Variants in SMAP1 observed in about 807,000 individuals in gnomAD.
SMAP1 encodes small ArfGAP 1, also known as stromal membrane-associated protein 1.
SMAP1 carries 24 observed loss-of-function variants against 58.5 expected under a neutral mutation model. That is an observed-to-expected ratio of 0.41 (90% CI 0.30 to 0.58). The LOEUF (loss-of-function observed/expected upper bound fraction) is 0.58. SMAP1 is among the 20% of genes least tolerant of loss of function. The pLI, the probability that SMAP1 is intolerant of heterozygous loss-of-function variation, is 0.29. For missense variants in SMAP1, 563 were observed against 566.3 expected, an observed-to-expected ratio of 0.99 and a Z score of 0.06; for synonymous variants, 216 against 196.6, an observed-to-expected ratio of 1.10 and a Z score of -0.82.
chr6:70,767,829 C>T (rs9455221), intron 3 of SMAP1, among the ~76,000 whole-genome samples: 1 of 133,046 alleles, frequency 7.5e-6, no homozygotes, highest in African/African-American at 3.0e-5. Context: ...GTCTTGTGCC[C>T]GTTTTCAAAG....
intron 2 of SMAP1, among the ~76,000 whole-genome samples, chr6:70,749,222 A>G (rs1476790840): frequency 6.6e-6 from 1 of 152,134 alleles, no homozygotes; most frequent in Non-Finnish European, 1.5e-5. Context: ...TAAAACCATC[A>G]GATCTCATGA....
chr6:70,718,414 G>A (rs148189503), intron 1 of SMAP1, among the ~76,000 whole-genome samples: 1 of 152,280 alleles, frequency 6.6e-6, no homozygotes, highest in East Asian at 1.9e-4. Flanking sequence ...AACTAAGTTG[G>A]GGGAATGTGA....
intron 2 of SMAP1, among the ~76,000 whole-genome samples, chr6:70,735,291 A>G (rs1407730053): frequency 6.6e-6 from 1 of 152,146 alleles, no homozygotes; most frequent in African/African-American, 2.4e-5. Flanking sequence ...ATTTCCAGTC[A>G]AGTCCCCCAG....
Position 70,733,479 on chromosome 6 carries a change from TC to T in SMAP1, c.252+970del, listed in dbSNP as rs1415857609. Among the ~76,000 whole-genome samples the T allele has an allele frequency of 3.9e-5, 6 of 152,198 alleles. No homozygotes were observed. The South Asian group carries it at 1.2e-3, about 32-fold the overall frequency. On this transcript the variant is annotated intron_variant, in intron 2 of 10. Coordinates refer to ENST00000370455, the MANE Select transcript of SMAP1 (RefSeq NM_001044305.3). ...AAAGAAGCAGAGCTTTTTAAACACTTCCTGTAAGGCAGTGTTCTTAGTATCT... is the reference window on the plus strand; with the variant it reads ...AAAGAAGCAGAGCTTTTTAAACACTTCTGTAAGGCAGTGTTCTTAGTATCT...
At chr6:70,766,541 CTTCTT>C (rs1195139255) in intron 3 of SMAP1, among the ~76,000 whole-genome samples, 2 of 152,110 alleles carry the variant, frequency 1.3e-5, no homozygotes, top group Non-Finnish European at 2.9e-5. Flanking sequence ...GCATAAATGT[CTTCTT>C]TTGAGAAGTG....
At chr6:70,749,015 T>C (rs1766163206) in intron 2 of SMAP1, among the ~76,000 whole-genome samples, 2 of 152,168 alleles carry the variant, frequency 1.3e-5, no homozygotes, top group African/African-American at 4.8e-5. Flanking sequence ...ATTGGCATAT[T>C]AGTGTGTTCT....
intron 1 of SMAP1, among the ~76,000 whole-genome samples, chr6:70,693,511 C>T (rs887476698): frequency 7.9e-5 from 12 of 151,950 alleles, no homozygotes; most frequent in Admixed American, 2.6e-4. Flanking sequence ...ACCTTGTTGG[C>T]CAGGATGGTC....
Position 70,670,760 on chromosome 6 carries a change from A to T in SMAP1, c.118+2619A>T, listed in dbSNP as rs192332902. On this transcript the variant is annotated intron_variant, in intron 1 of 10. Coordinates refer to ENST00000370455, the MANE Select transcript of SMAP1 (RefSeq NM_001044305.3). The stretch of plus-strand genomic sequence containing the variant: ...AAGCTTCTTCCACTGATCTTTGAGA[A>T]TATGTACCAAAACTAAAGCTTAGGA... 5.9e-5 allele frequency among the ~76,000 whole-genome samples: 9 copies of T among 152,322 alleles called. No individual in the cohort carries two copies. The East Asian group carries it at 1.3e-3, about 23-fold the overall frequency.
At chr6:70,824,665 A>G (rs554535636) in intron 6 of SMAP1, among the ~76,000 whole-genome samples, 18 of 152,324 alleles carry the variant, frequency 1.2e-4, no homozygotes, top group African/African-American at 4.1e-4. Flanking sequence ...CTTAGCTTCC[A>G]CATGCATATG....
intron 2 of SMAP1, among the ~76,000 whole-genome samples, chr6:70,739,731 C>A (rs1327580503): frequency 1.3e-5 from 2 of 151,946 alleles, no homozygotes; most frequent in African/African-American, 4.8e-5. Flanking sequence ...ATCTTTATTA[C>A]CTAATGGCAA....
Position 70,860,494 on chromosome 6 carries a change from T to C in SMAP1, c.*160T>C. ...CCGTGTTGGTCTGTACTGATTCAATTTGATGTGGTGAAAAGCAGGTTGATA... is the reference window on the plus strand; with the variant it reads ...CCGTGTTGGTCTGTACTGATTCAATCTGATGTGGTGAAAAGCAGGTTGATA... On this transcript the variant is annotated 3_prime_UTR_variant, in exon 11 of 11. Transcript: ENST00000370455. 4 of 717,368 alleles carry C rather than the reference T, an allele frequency of 5.6e-6. No individual in the cohort carries two copies. Among genetic ancestry groups the C allele is most frequent in the Non-Finnish European group, 8.0e-6 (4 of 500,446 alleles). The allele number at this position is 717,368 out of a possible 1,614,324, so 44.4% of individuals were successfully genotyped here.
At chr6:70,849,402 G>C (rs148424103) in intron 7 of SMAP1, among the ~76,000 whole-genome samples, 242 of 150,634 alleles carry the variant, frequency 1.6e-3, no homozygotes, top group African/African-American at 5.7e-3. Flanking sequence ...GAAATTTCAA[G>C]AGGCTAATTT....
intron 6 of SMAP1, among the ~76,000 whole-genome samples, chr6:70,814,955 A>G (rs191644986): frequency 3.2e-4 from 48 of 152,278 alleles, no homozygotes; most frequent in Middle Eastern, 6.8e-3. Context: ...AAAGGGTCAA[A>G]TGAATAGGCA....
chr6:70,687,928 C>G lies in SMAP1; in HGVS notation c.118+19787C>G, dbSNP rs79733514. Among the ~76,000 whole-genome samples, 1,466 of 152,218 alleles carry G rather than the reference C, an allele frequency of 9.6e-3. 20 individuals are homozygous for G. The highest frequency in any genetic ancestry group is 0.033 in the African/African-American group (1,375 of 41,548). On this transcript the variant is annotated intron_variant, in intron 1 of 10. Coordinates refer to ENST00000370455, the MANE Select transcript of SMAP1 (RefSeq NM_001044305.3). ...TATACCACAAGAATCTCTTGTGTTG[C>G]CCTCTTAAAACCACACATACTTTTC...
chr6:70,730,713 C>G (rs1056596630), intron 1 of SMAP1, among the ~76,000 whole-genome samples: 1 of 152,182 alleles, frequency 6.6e-6, no homozygotes, highest in East Asian at 1.9e-4. Flanking sequence ...TACTTACTAG[C>G]TTTAATGTTG....
Position 70,812,622 on chromosome 6 carries a change from G to A in SMAP1, c.576+13885G>A, listed in dbSNP as rs1467687634. ...AATATTTTAACTTCTTCAAAACTTAGTAGGGACCTGAATACAGGGAGAAAT... is the reference window on the plus strand; with the variant it reads ...AATATTTTAACTTCTTCAAAACTTAATAGGGACCTGAATACAGGGAGAAAT... On this transcript the variant is annotated intron_variant, in intron 6 of 10. Transcript: ENST00000370455. 2.6e-5 allele frequency among the ~76,000 whole-genome samples: 4 copies of A among 152,136 alleles called. No homozygotes were observed. The South Asian group carries it at 8.3e-4, about 31-fold the overall frequency.
intron 6 of SMAP1, among the ~76,000 whole-genome samples, chr6:70,822,070 GTTC>G (rs1769915420): frequency 6.6e-6 from 1 of 152,122 alleles, no homozygotes; most frequent in South Asian, 2.1e-4. Flanking sequence ...ATGCTTTACA[GTTC>G]TTCTTAGTAA....
chr6:70,780,447 A>G (rs1767716779), intron 4 of SMAP1, among the ~76,000 whole-genome samples: 2 of 152,130 alleles, frequency 1.3e-5, no homozygotes. Flanking sequence ...TGGATGTGGT[A>G]GAGTGTGCCT....
intron 2 of SMAP1, among the ~76,000 whole-genome samples, chr6:70,733,251 A>G (rs1274881859): frequency 6.6e-6 from 1 of 152,202 alleles, no homozygotes; most frequent in Non-Finnish European, 1.5e-5. Flanking sequence ...ACATCTCAGA[A>G]TCTTAACCCA....
Sources: gnomAD v4.1 joint callset for allele counts (sites outside exome capture counted in the v4.1 genomes callset) on GRCh38, gnomAD v4.1.1 for gene constraint, MANE v1.5 for transcripts, NCBI Gene and HGNC (gene_info 2026-07-23, HGNC 2026-07-21) for gene names.